UNC13C: variants seen among roughly 807,000 people sequenced by gnomAD.
The protein encoded by UNC13C is protein unc-13 homolog C.
In UNC13C, 174 loss-of-function variants were observed where a neutral mutation model predicts 245.4. That is an observed-to-expected ratio of 0.71 (90% CI 0.63 to 0.80). The LOEUF is 0.80. Ranked by LOEUF, UNC13C falls within the 30% of genes least tolerant of loss-of-function variation. The pLI, the probability that UNC13C is intolerant of heterozygous loss-of-function variation, is 0.00. For missense variants in UNC13C, 2,829 were observed against 2,602.9 expected, an observed-to-expected ratio of 1.09 and a Z score of -1.89; for synonymous variants, 992 against 895.1, an observed-to-expected ratio of 1.11 and a Z score of -1.93.
At chr15:53,873,965 T>G in the UNC13C span, among the ~76,000 whole-genome samples, 1 of 126,840 alleles carries the variant, frequency 7.9e-6, no homozygotes, top group Non-Finnish European at 1.7e-5. Context: ...CCTTCCTTCC[T>G]TCCTTCCTGT....
intron 4 of UNC13C, among the ~76,000 whole-genome samples, chr15:54,185,076 G>A (rs1286430563): frequency 1.3e-5 from 2 of 152,164 alleles, no homozygotes; most frequent in African/African-American, 2.4e-5. Context: ...CTTTTGAGAA[G>A]TGTCCATTCA....
Position 54,217,441 on chromosome 15 carries a change from G to A in UNC13C, c.3072-17589G>A, listed in dbSNP as rs112730366. Among the ~76,000 whole-genome samples, 409 of 151,972 alleles carry A rather than the reference G, an allele frequency of 2.7e-3. 1 individual carries two copies. Among genetic ancestry groups the A allele is most frequent in the Non-Finnish European group, 4.6e-3 (315 of 67,866 alleles). On this transcript the variant is annotated intron_variant, in intron 4 of 32. Coordinates refer to ENST00000260323, the MANE Select transcript of UNC13C (RefSeq NM_001080534.3). ...TAGGGGGTATGATCAGAACTTTGTC[G>A]ACCTGCCCTTCTATTCTTTTAACTC... is the stretch of plus-strand genomic sequence containing the variant.
intron 13 of UNC13C, among the ~76,000 whole-genome samples, chr15:54,301,294 T>G (rs200338485): frequency 0.1 from 15,387 of 151,176 alleles, 861 homozygotes; most frequent in Middle Eastern, 0.16. Context: ...CTTTTGTTTT[T>G]TTTTTTTTTT....
chr15:54,422,454 G>C (rs376069080), intron 19 of UNC13C, among the ~76,000 whole-genome samples: 7 of 152,008 alleles, frequency 4.6e-5, no homozygotes, highest in South Asian at 2.1e-4. Context: ...GTTTCCAAAG[G>C]CTTCCTCTTT....
chr15:54,485,150 A>T (rs1038368473), intron 19 of UNC13C, among the ~76,000 whole-genome samples: 1 of 152,224 alleles, frequency 6.6e-6, no homozygotes, highest in Non-Finnish European at 1.5e-5. Flanking sequence ...CTGTAGGCCA[A>T]GTCCAATGTT....
chr15:54,304,664 A>AAAC (rs1329525002), intron 13 of UNC13C, among the ~76,000 whole-genome samples: 2 of 151,488 alleles, frequency 1.3e-5, no homozygotes, highest in Non-Finnish European at 2.9e-5. Flanking sequence ...AAAAAAAAAA[A>AAAC]AAAAAAAACC....
chr15:54,347,518 A>T (rs2038885159), intron 17 of UNC13C, among the ~76,000 whole-genome samples: 1 of 152,212 alleles, frequency 6.6e-6, no homozygotes, highest in Admixed American at 6.5e-5. Flanking sequence ...AAGCACACTT[A>T]GGGACTTTTT....
intron 13 of UNC13C, among the ~76,000 whole-genome samples, chr15:54,314,143 G>A (rs949274176): frequency 6.6e-6 from 1 of 151,410 alleles, no homozygotes; most frequent in South Asian, 2.1e-4. Flanking sequence ...CAGGGTCTTA[G>A]GGAAAGGAGG....
chr15:54,139,633 A>G (rs1043904927), intron 2 of UNC13C, among the ~76,000 whole-genome samples: 2 of 152,194 alleles, frequency 1.3e-5, no homozygotes, highest in East Asian at 3.8e-4. Flanking sequence ...TAATATCATT[A>G]AAATCAGTAT....
At chr15:54,303,512 G>A (rs1291804230) in intron 13 of UNC13C, among the ~76,000 whole-genome samples, 2 of 152,038 alleles carry the variant, frequency 1.3e-5, no homozygotes, top group African/African-American at 4.8e-5. Context: ...TAGAAAAATG[G>A]TAAGTATGTA....
At chr15:54,107,879 T>G (rs1900526798) in intron 2 of UNC13C, among the ~76,000 whole-genome samples, 1 of 152,194 alleles carries the variant, frequency 6.6e-6, no homozygotes, top group Non-Finnish European at 1.5e-5. Context: ...GGAAAGAAAT[T>G]TTCCATTAAA....
intron 2 of UNC13C, among the ~76,000 whole-genome samples, chr15:54,100,945 C>G (rs1314115891): frequency 6.6e-6 from 1 of 152,038 alleles, no homozygotes; most frequent in Non-Finnish European, 1.5e-5. Context: ...ATATAATACA[C>G]ATATAGTAAA....
chr15:54,487,950 C>T (rs1459520235), intron 19 of UNC13C, among the ~76,000 whole-genome samples: 1 of 151,948 alleles, frequency 6.6e-6, no homozygotes, highest in African/African-American at 2.4e-5. Context: ...TTACTCTAAC[C>T]TTTAACCTTG....
chr15:54,522,796 A>AT, intron 24 of UNC13C, among the ~76,000 whole-genome samples: 1 of 152,226 alleles, frequency 6.6e-6, no homozygotes, highest in Non-Finnish European at 1.5e-5. Context: ...TAGAAACTTT[A>AT]TTTTTTTAGC....
Position 54,012,856 on chromosome 15 carries a change from T to C in UNC13C, c.-48T>C. 2 of 1,423,154 alleles carry C rather than the reference T, an allele frequency of 1.4e-6. No individual in the cohort carries two copies. Among genetic ancestry groups the C allele is most frequent in the South Asian group, 2.7e-5 (2 of 73,066 alleles). The allele number at this position is 1,423,154 out of a possible 1,614,324, so 88.2% of individuals were successfully genotyped here. ...TTGGATTTTCAGGTTTTCATCCTGA[T>C]ACTTGTTTACTTTTCTGGGGCAGAA... On this transcript the variant is annotated 5_prime_UTR_variant, in exon 2 of 33. Transcript: ENST00000260323.
chr15:54,201,408 A>C (rs368327389), intron 4 of UNC13C, among the ~76,000 whole-genome samples: 3 of 152,206 alleles, frequency 2.0e-5, no homozygotes, highest in East Asian at 3.9e-4. Context: ...AGATGCAAAA[A>C]TCGTCAACAA....
At chr15:53,883,454 T>A in the UNC13C span, among the ~76,000 whole-genome samples, 1 of 152,202 alleles carries the variant, frequency 6.6e-6, no homozygotes, top group African/African-American at 2.4e-5. Flanking sequence ...TAAAGATAAC[T>A]GTCTTTTGGC....
intron 29 of UNC13C, among the ~76,000 whole-genome samples, chr15:54,557,940 A>T (rs574066611): frequency 6.6e-6 from 1 of 152,058 alleles, no homozygotes. Context: ...TGATGAGTTC[A>T]TGTCCTTTGT....
intron 2 of UNC13C, among the ~76,000 whole-genome samples, chr15:54,131,366 T>A (rs1348277891): frequency 6.6e-6 from 1 of 152,216 alleles, no homozygotes; most frequent in South Asian, 2.1e-4. Context: ...GATTAGGATA[T>A]AATTTATATT....
Sources: gnomAD v4.1 joint callset for allele counts (sites outside exome capture counted in the v4.1 genomes callset) on GRCh38, gnomAD v4.1.1 for gene constraint, MANE v1.5 for transcripts, NCBI Gene and HGNC (gene_info 2026-07-23, HGNC 2026-07-21) for gene names.